The following HSF2BP variants were observed in gnomAD, a reference collection of about 807,000 sequenced individuals.
HSF2BP encodes the protein heat shock factor 2-binding protein.
A neutral mutation model predicts 35.0 loss-of-function variants in HSF2BP; 35 were observed. That is an observed-to-expected ratio of 1.00 (90% CI 0.76 to 1.32). The LOEUF (loss-of-function observed/expected upper bound fraction) is 1.32, where lower values mean the gene tolerates loss of function less well. HSF2BP is among the 40% of genes most tolerant of loss of function. HSF2BP has a pLI of 0.00. For synonymous variants in HSF2BP, 114 were observed against 117.4 expected, an observed-to-expected ratio of 0.97 and a Z score of 0.18; for missense variants, 326 against 321.7, an observed-to-expected ratio of 1.01 and a Z score of -0.10.
intron 3 of HSF2BP, among the ~76,000 whole-genome samples, chr21:43,656,352 G>A (rs2082868084): frequency 6.6e-6 from 1 of 152,172 alleles, no homozygotes; most frequent in Non-Finnish European, 1.5e-5. Flanking sequence ...AAGAGAGAGA[G>A]AAAGAGAAGC....
At chr21:43,636,012 C>T (rs927503796) in intron 4 of HSF2BP, among the ~76,000 whole-genome samples, 1 of 148,344 alleles carries the variant, frequency 6.7e-6, no homozygotes, top group African/African-American at 2.5e-5. Context: ...AGGATCGAGA[C>T]CATCCTGGGC....
intron 7 of HSF2BP, among the ~76,000 whole-genome samples, chr21:43,596,358 C>T (rs987061247): frequency 1.3e-5 from 2 of 151,584 alleles, no homozygotes; most frequent in Non-Finnish European, 2.9e-5. Context: ...AATGAATATA[C>T]AAAAATAAAA....
intron 2 of HSF2BP, 137 bp from the exon 3 acceptor site, chr21:43,656,874 G>A: frequency 1.5e-6 from 1 of 672,532 alleles, no homozygotes. Context: ...TGTATATTCT[G>A]CTATAGATAT....
In HSF2BP at chr21:43,630,439, A is replaced by T; in HGVS notation, c.457T>A (p.Phe153Ile). 1.2e-6 allele frequency: 2 copies of T among 1,611,698 alleles called. No individual in the cohort carries two copies. The highest frequency in any genetic ancestry group is 1.7e-6 in the Non-Finnish European group (2 of 1,179,316). The change falls in exon 6 of 9, where the codon TTT (phenylalanine) becomes ATT (isoleucine). Residue 153 changes from phenylalanine to isoleucine, a missense_variant. Coordinates refer to ENST00000291560, the MANE Select transcript of HSF2BP (RefSeq NM_007031.2). ...AILGGDKALK[F>I]FSITGQTMES... ...ATTGTTTGACCAGTGATGCTGAAAA[A>T]CTTCAAAGCTTTATCCTGAAAGTTT...
intron 3 of HSF2BP, among the ~76,000 whole-genome samples, chr21:43,654,095 A>C (rs1486536029): frequency 6.6e-6 from 1 of 152,118 alleles, no homozygotes; most frequent in Non-Finnish European, 1.5e-5. Flanking sequence ...ACACAGATAA[A>C]GTCAGGTGCC....
At chr21:43,615,794 C>A (rs1313347367) in intron 6 of HSF2BP, among the ~76,000 whole-genome samples, 2 of 152,024 alleles carry the variant, frequency 1.3e-5, no homozygotes, top group African/African-American at 4.8e-5. Context: ...CATTTGGCAT[C>A]AGAAACACAT....
rs1188882134 is a variant in HSF2BP, at chr21:43,633,255, C to A, written c.441+17G>T. On this transcript the variant is annotated intron_variant, in intron 5 of 8. Coordinates refer to ENST00000291560, the MANE Select transcript of HSF2BP (RefSeq NM_007031.2). ...CAGTAATCAACAATATCTGGAGAGC[C>A]CACTGACCATACTTACTCCTCCCAA... 1 of 1,606,058 alleles carries A rather than the reference C, an allele frequency of 6.2e-7. No homozygotes were observed. The highest frequency in any genetic ancestry group is 1.3e-5 in the African/African-American group (1 of 74,504).
chr21:43,603,808 T>C (rs1390747421), intron 7 of HSF2BP, among the ~76,000 whole-genome samples: 4 of 152,116 alleles, frequency 2.6e-5, no homozygotes, highest in Non-Finnish European at 4.4e-5. Context: ...CGAAACCATA[T>C]GGCTGGGGAG....
chr21:43,602,480 G>T (rs1446069213), intron 7 of HSF2BP, among the ~76,000 whole-genome samples: 1 of 152,176 alleles, frequency 6.6e-6, no homozygotes, highest in Non-Finnish European at 1.5e-5. Context: ...GAAGTCATCT[G>T]CACAAAGAAC....
At chr21:43,599,738 G>A (rs1040248864) in intron 7 of HSF2BP, among the ~76,000 whole-genome samples, 10 of 151,814 alleles carry the variant, frequency 6.6e-5, no homozygotes, top group Admixed American at 1.3e-4. Flanking sequence ...AGGTTGCAGC[G>A]AGCCAAGATG....
chr21:43,646,462 T>C (rs1223827505), intron 3 of HSF2BP, among the ~76,000 whole-genome samples: 2 of 152,206 alleles, frequency 1.3e-5, no homozygotes, highest in African/African-American at 4.8e-5. Flanking sequence ...AAAACTGAGA[T>C]GAAATTTGTG....
chr21:43,634,765 G>C (rs952083873), intron 4 of HSF2BP, among the ~76,000 whole-genome samples: 3 of 152,182 alleles, frequency 2.0e-5, no homozygotes, highest in Non-Finnish European at 4.4e-5. Context: ...TGATCTGTCA[G>C]CTCCGGGTTT....
intron 7 of HSF2BP, among the ~76,000 whole-genome samples, chr21:43,593,656 A>G (rs2081953364): frequency 6.6e-6 from 1 of 152,232 alleles, no homozygotes; most frequent in African/African-American, 2.4e-5. Flanking sequence ...TTCAAAAATA[A>G]CAGCAGAATG....
Position 43,603,799 on chromosome 21 carries a change from G to A in HSF2BP, c.692+10031C>T, listed in dbSNP as rs995436945. On this transcript the variant is annotated intron_variant, in intron 7 of 8. Transcript: ENST00000291560. ...AAGGCAGATAAACTAGGAACAGCCCGAAACCATATGGCTGGGGAGGCTATG... is the reference window on the plus strand; with the variant it reads ...AAGGCAGATAAACTAGGAACAGCCCAAAACCATATGGCTGGGGAGGCTATG... Among the ~76,000 whole-genome samples the A allele has an allele frequency of 3.3e-5, 5 of 152,134 alleles. No homozygotes were observed. In the East Asian group the frequency reaches 5.8e-4, roughly 18 times the overall value.
At chr21:43,631,046 G>T (rs935794048) in intron 5 of HSF2BP, among the ~76,000 whole-genome samples, 1 of 152,138 alleles carries the variant, frequency 6.6e-6, no homozygotes, top group East Asian at 1.9e-4. Context: ...AAACTTCATG[G>T]ATGATCAAAT....
intron 6 of HSF2BP, among the ~76,000 whole-genome samples, chr21:43,628,174 G>A (rs1458964138): frequency 6.6e-6 from 1 of 152,192 alleles, no homozygotes; most frequent in Non-Finnish European, 1.5e-5. Context: ...ATACATATCT[G>A]AAAGCAAAAG....
Position 43,584,995 on chromosome 21 carries a change from A to ATTAATTATTTATTTATTTAT in HSF2BP, c.796+7229_796+7230insATAAATAAATAAATAATTAA, listed in dbSNP as rs1555856714. ...CATGCTCTAGGTATAATTTTATTTA[A>ATTAATTATTTATTTATTTAT]TTATTTATTTATTTATTTATTTATT... On this transcript the variant is annotated intron_variant, in intron 8 of 8. Transcript: ENST00000291560. Among the ~76,000 whole-genome samples, 367 of 151,582 alleles carry ATTAATTATTTATTTATTTAT rather than the reference A, an allele frequency of 2.4e-3. 1 individual carries two copies. The highest frequency in any genetic ancestry group is 8.7e-3 in the African/African-American group (357 of 41,170).
intron 7 of HSF2BP, among the ~76,000 whole-genome samples, chr21:43,603,973 G>A (rs914192854): frequency 1.3e-5 from 2 of 152,110 alleles, no homozygotes; most frequent in African/African-American, 2.4e-5. Flanking sequence ...GGATTTCTGG[G>A]GGAGGCAAAA....
chr21:43,604,665 A>ATCG (rs2082103657), intron 7 of HSF2BP, among the ~76,000 whole-genome samples: 1 of 123,936 alleles, frequency 8.1e-6, no homozygotes, highest in East Asian at 2.5e-4. Context: ...CACCACACAC[A>ATCG]CACACCACCA....
Sources: allele counts gnomAD v4.1 joint callset (sites outside exome capture counted in the v4.1 genomes callset), GRCh38; gene constraint gnomAD v4.1.1; transcripts MANE v1.5; gene names NCBI Gene and HGNC (gene_info 2026-07-23, HGNC 2026-07-21).